The following TTC17 variants were observed in gnomAD, a reference collection of about 807,000 sequenced individuals.
TTC17 encodes the protein tetratricopeptide repeat protein 17.
Under a neutral mutation model 143.8 loss-of-function variants are expected in TTC17, and 58 were observed. That is an observed-to-expected ratio of 0.40 (90% CI 0.33 to 0.50). The LOEUF is 0.50. Ranked by LOEUF, TTC17 falls within the 20% of genes least tolerant of loss-of-function variation. The pLI, the probability that TTC17 is intolerant of heterozygous loss-of-function variation, is 0.49. For missense variants in TTC17, 1,273 were observed against 1,392.5 expected (o/e 0.91, Z 1.37); for synonymous variants, 501 against 497.8 (o/e 1.01, Z -0.09).
intron 16 of TTC17, among the ~76,000 whole-genome samples, chr11:43,416,466 T>C (rs11825922): frequency 0.13 from 20,293 of 152,068 alleles, 1,577 homozygotes; most frequent in Admixed American, 0.26. Context: ...TCTTGAAATA[T>C]ATTCTTAGTA....
intron 10 of TTC17, among the ~76,000 whole-genome samples, chr11:43,403,001 A>G (rs1857939447): frequency 6.6e-6 from 1 of 152,176 alleles, no homozygotes; most frequent in Non-Finnish European, 1.5e-5. Flanking sequence ...GGAAATAGTG[A>G]TAGGGACCAA....
chr11:43,453,812 G>T (rs929941479), intron 21 of TTC17, among the ~76,000 whole-genome samples: 1 of 152,172 alleles, frequency 6.6e-6, no homozygotes, highest in Non-Finnish European at 1.5e-5. Flanking sequence ...AGGTCGAAAT[G>T]CATTTAGTAC....
intron 21 of TTC17, among the ~76,000 whole-genome samples, chr11:43,460,311 C>T (rs2134786680): frequency 6.6e-6 from 1 of 152,190 alleles, no homozygotes; most frequent in African/African-American, 2.4e-5. Context: ...AGCATTTTTC[C>T]TGGAAACCTT....
intron 21 of TTC17, among the ~76,000 whole-genome samples, chr11:43,457,122 TC>T (rs2134775931): frequency 6.6e-6 from 1 of 152,180 alleles, no homozygotes; most frequent in African/African-American, 2.4e-5. Context: ...TCATTCCTGT[TC>T]CTCAGTTGTG....
At chr11:43,411,435 C>G (rs980482100) in intron 15 of TTC17, among the ~76,000 whole-genome samples, 2 of 151,954 alleles carry the variant, frequency 1.3e-5, no homozygotes, top group Non-Finnish European at 2.9e-5. Flanking sequence ...CCCCGCCCCC[C>G]ACAATCTAGT....
rs558096357 is a variant in TTC17, at chr11:43,446,131, C to T, written c.2666-1871C>T. 2.2e-6 allele frequency: 3 copies of T among 1,378,658 alleles called. No individual in the cohort carries two copies. The African/African-American group carries it at 4.3e-5, about 20-fold the overall frequency. The allele number at this position is 1,378,658 out of a possible 1,614,324, so 85.4% of individuals were successfully genotyped here. On this transcript the variant is annotated intron_variant, in intron 18 of 23. Transcript: ENST00000039989. ...CCCTTTACAGCCCGCCTCTGTGTAC[C>T]CTTCAACACCATTCTCTGAACCAAC...
chr11:43,389,506 C>A (rs1857297042), intron 2 of TTC17, 146 bp from the exon 3 acceptor site: 3 of 665,600 alleles, frequency 4.5e-6, no homozygotes, highest in African/African-American at 1.9e-5. Context: ...TGTATGTTGA[C>A]TAAGTTAACT....
At chr11:43,419,319 A>T (rs1946846849) in intron 16 of TTC17, among the ~76,000 whole-genome samples, 1 of 152,240 alleles carries the variant, frequency 6.6e-6, no homozygotes, top group South Asian at 2.1e-4. Context: ...CATATACGTG[A>T]GATTTAATAT....
chr11:43,406,059 T>A, intron 13 of TTC17, 108 bp downstream of exon 13: 1 of 1,277,204 alleles, frequency 7.8e-7, no homozygotes, highest in African/African-American at 1.5e-5. Context: ...GCTTTAAGTG[T>A]ATAAAATGGA....
rs767072115 is a variant in TTC17 at position 43,444,146 on chromosome 11, G to C, written c.2602G>C (p.Gly868Arg). ...AGTAGAAACAGGTCAGATAGAAAAT[G>C]GACATCGTTACCAAGCAAACCTAGA... is the stretch of plus-strand genomic sequence containing the variant. Reference protein sequence around the residue: ...KKVETGQIENGHRYQANLEIT... With the variant: ...KKVETGQIENRHRYQANLEIT... Residue 868 changes from glycine to arginine, a missense_variant, in exon 18 of 24, where the codon GGA (glycine) becomes CGA (arginine). Physicochemically the swap from Gly to Arg is moderately radical, Grantham distance 125. Around this residue, in one of 3 missense-constraint regions of TTC17, gnomAD observed 878 missense variants for 899.8 expected, o/e 0.98. Coordinates refer to ENST00000039989, the MANE Select transcript of TTC17 (RefSeq NM_018259.6). 1 of 1,613,232 alleles carries C rather than the reference G, an allele frequency of 6.2e-7. No individual in the cohort carries two copies. The highest frequency in any genetic ancestry group is 8.5e-7 in the Non-Finnish European group (1 of 1,179,578).
At chr11:43,420,284 T>C (rs947434021) in intron 16 of TTC17, among the ~76,000 whole-genome samples, 2 of 152,234 alleles carry the variant, frequency 1.3e-5, no homozygotes, top group African/African-American at 4.8e-5. Context: ...TCATAAATTA[T>C]TCCACTGCCA....
intron 21 of TTC17, among the ~76,000 whole-genome samples, chr11:43,472,841 TAAAA>T (rs140936007): frequency 1.7e-5 from 2 of 115,054 alleles, no homozygotes; most frequent in Admixed American, 9.1e-5. Flanking sequence ...GGAATTAAGC[TAAAA>T]AAAAAAAAAA....
chr11:43,459,329 G>C (rs1282854049), intron 21 of TTC17, among the ~76,000 whole-genome samples: 1 of 152,208 alleles, frequency 6.6e-6, no homozygotes, highest in African/African-American at 2.4e-5. Flanking sequence ...TTGGTTCTCT[G>C]AAGTTGGCTC....
intron 21 of TTC17, among the ~76,000 whole-genome samples, chr11:43,480,841 T>C (rs1210487610): frequency 1.5e-5 from 2 of 137,604 alleles, no homozygotes; most frequent in African/African-American, 2.7e-5. Context: ...GATAAAATAA[T>C]GAAGTAAGAA....
intron 21 of TTC17, among the ~76,000 whole-genome samples, chr11:43,458,967 C>T (rs1262310485): frequency 3.2e-5 from 4 of 125,622 alleles, no homozygotes; most frequent in East Asian, 1.9e-4. Flanking sequence ...GTATAAGGTT[C>T]GAATAGTTTG....
intron 21 of TTC17, among the ~76,000 whole-genome samples, chr11:43,471,927 T>A (rs929317624): frequency 6.6e-6 from 1 of 152,214 alleles, no homozygotes; most frequent in Non-Finnish European, 1.5e-5. Context: ...AATATATCAG[T>A]AAGCAGAATA....
intron 21 of TTC17, 74 bp from the exon 22 acceptor site, chr11:43,490,165 T>TA: frequency 1.3e-6 from 2 of 1,540,660 alleles, no homozygotes; most frequent in East Asian, 4.6e-5. Flanking sequence ...TGACTTGTGT[T>TA]ACTGAACTTA....
At chr11:43,369,691 A>G (rs1052066872) in intron 1 of TTC17, among the ~76,000 whole-genome samples, 1 of 149,508 alleles carries the variant, frequency 6.7e-6, no homozygotes, top group African/African-American at 2.5e-5. Context: ...ATCTTATTTC[A>G]CTGCAACCTC....
At chr11:43,417,556 C>T (rs867925134) in intron 16 of TTC17, among the ~76,000 whole-genome samples, 1 of 152,136 alleles carries the variant, frequency 6.6e-6, no homozygotes, top group African/African-American at 2.4e-5. Context: ...TAATTGTTGG[C>T]CAGGCATGGT....
Sources: gnomAD v4.1 joint callset for allele counts (sites outside exome capture counted in the v4.1 genomes callset) on GRCh38, gnomAD v4.1.1 for gene constraint, gnomAD v4.1.1 regional missense constraint, MANE v1.5 for transcripts, NCBI Gene and HGNC (gene_info 2026-07-23, HGNC 2026-07-21) for gene names.